DLG1: variants seen among roughly 807,000 people sequenced by gnomAD.
DLG1 encodes the protein discs large MAGUK scaffold protein 1.
In DLG1, 42 loss-of-function variants were observed where a neutral mutation model predicts 123.4. The ratio of observed to expected loss-of-function variants is 0.34; its 90% CI spans 0.27 to 0.44. DLG1 has a LOEUF of 0.44. DLG1 is among the 20% of genes least tolerant of loss of function. The probability of loss-of-function intolerance (pLI) is 1.00; values close to 1 mark genes in which losing one functional copy is unlikely to be tolerated. For synonymous variants in DLG1, 317 were observed against 356.2 expected (o/e 0.89, Z 1.24); for missense variants, 942 against 1,082.6 (o/e 0.87, Z 1.82).
Position 197,065,819 on chromosome 3 carries a change from T to C in DLG1, c.2099-10A>G. 1 of 1,442,602 alleles carries C rather than the reference T, an allele frequency of 6.9e-7. No homozygotes were observed. The highest frequency in any genetic ancestry group is 1.2e-5 in the South Asian group (1 of 83,654). 89.4% of individuals were successfully genotyped at this position (1,442,602 alleles called of 1,614,324 possible). Reference sequence around the variant, plus strand: ...GGTCGAGTATAATTAACTATAAAGATAAACTGCATGTTAAAAGGAATAAAC... The same window carrying C: ...GGTCGAGTATAATTAACTATAAAGACAAACTGCATGTTAAAAGGAATAAAC... On this transcript the variant is annotated splice_polypyrimidine_tract_variant and intron_variant, in intron 20 of 24. Coordinates refer to ENST00000667157, the MANE Select transcript of DLG1 (RefSeq NM_001366207.1).
intron 2 of DLG1, 166 bp downstream of exon 2, chr3:197,297,020 T>C (rs1777763580): frequency 2.7e-6 from 2 of 731,462 alleles, no homozygotes; most frequent in African/African-American, 3.5e-5. Context: ...AACATTTTCG[T>C]GTTTCCATCT....
intron 16 of DLG1, 171 bp downstream of exon 16, chr3:197,085,409 T>C: frequency 1.5e-6 from 1 of 651,214 alleles, no homozygotes; most frequent in Non-Finnish European, 2.6e-6. Flanking sequence ...TCGACTACTT[T>C]AGATTTCACA....
chr3:197,084,232 C>T (rs1752831553), intron 16 of DLG1, among the ~76,000 whole-genome samples: 1 of 152,084 alleles, frequency 6.6e-6, no homozygotes, highest in African/African-American at 2.4e-5. Context: ...AGCTAAATGG[C>T]ACACTGATTT....
chr3:197,145,049 T>TCA (rs1226165450), intron 6 of DLG1, among the ~76,000 whole-genome samples: 14 of 142,524 alleles, frequency 9.8e-5, no homozygotes, highest in African/African-American at 2.6e-4. Context: ...GCTCTCTCTC[T>TCA]CTCTCTCACA....
At chr3:197,213,367 T>C (rs991051569) in intron 4 of DLG1, among the ~76,000 whole-genome samples, 11 of 152,264 alleles carry the variant, frequency 7.2e-5, no homozygotes, top group Admixed American at 5.2e-4. Context: ...TAAAATAATT[T>C]ATCGTGAGAA....
intron 5 of DLG1, among the ~76,000 whole-genome samples, chr3:197,190,701 C>T (rs4491876): frequency 0.24 from 36,747 of 152,048 alleles, 5,630 homozygotes; most frequent in East Asian, 0.72. Flanking sequence ...GAATCATATA[C>T]GGAGATGGCT....
At chr3:197,121,779 C>T (rs1416925169) in intron 11 of DLG1, among the ~76,000 whole-genome samples, 1 of 145,584 alleles carries the variant, frequency 6.9e-6, no homozygotes, top group Non-Finnish European at 1.5e-5. Context: ...TGCAAGGCTG[C>T]CTCTGTGAGA....
At chr3:197,176,355 T>TGA (rs1807085634) in intron 5 of DLG1, among the ~76,000 whole-genome samples, 1 of 151,992 alleles carries the variant, frequency 6.6e-6, no homozygotes, top group African/African-American at 2.4e-5. Flanking sequence ...GAGTTGACTG[T>TGA]GGGGGCTGGA....
At chr3:197,171,198 A>G (rs1027893840) in intron 5 of DLG1, among the ~76,000 whole-genome samples, 2 of 152,220 alleles carry the variant, frequency 1.3e-5, no homozygotes, top group South Asian at 4.1e-4. Context: ...TTGAATGTTT[A>G]TAGAAGGATA....
rs376958910 is a variant in DLG1 at position 197,131,632 on chromosome 3, C to T, written c.1021-961G>A. Among the ~76,000 whole-genome samples, 924 of 116,354 alleles carry T rather than the reference C, an allele frequency of 7.9e-3. 8 individuals are homozygous for T. Among genetic ancestry groups the T allele is most frequent in the Non-Finnish European group, 0.012 (716 of 61,280 alleles). 76.3% of individuals were successfully genotyped at this position (116,354 alleles called of 152,430 possible). ...TTTTTGAGACGGAGTCTCGCTCTGT[C>T]GCCCAGGCTGGAGTGCAGTGGCGGG... On this transcript the variant is annotated intron_variant, in intron 10 of 24. Coordinates refer to ENST00000667157, the MANE Select transcript of DLG1 (RefSeq NM_001366207.1).
At chr3:197,089,242 T>C (rs1219408597) in intron 15 of DLG1, among the ~76,000 whole-genome samples, 2 of 152,106 alleles carry the variant, frequency 1.3e-5, no homozygotes, top group African/African-American at 4.8e-5. Context: ...TTTTAAAAAA[T>C]AGAAGCTGGG....
intron 4 of DLG1, among the ~76,000 whole-genome samples, chr3:197,276,798 T>G (rs527873047): frequency 6.6e-6 from 1 of 152,284 alleles, no homozygotes; most frequent in African/African-American, 2.4e-5. Flanking sequence ...GTCAGCAGCA[T>G]TTTTAACCTT....
intron 4 of DLG1, among the ~76,000 whole-genome samples, chr3:197,260,750 CAAAAAAAAAAAAAAAAA>C (rs570596943): frequency 0.041 from 761 of 18,436 alleles, 23 homozygotes; most frequent in Admixed American, 0.06. Context: ...TGACAACCAC[CAAAAAAAAAAAAAAAAA>C]AAAAAAAAAA....
chr3:197,246,390 T>C (rs1250569515), intron 4 of DLG1, among the ~76,000 whole-genome samples: 2 of 152,204 alleles, frequency 1.3e-5, no homozygotes, highest in East Asian at 1.9e-4. Context: ...CAGTGGTTAG[T>C]GTTAAGTCAT....
At position 197,043,846 on chromosome 3, in the gene DLG1, C is replaced by T. The variant is rs1434218826; in HGVS notation, c.*777G>A. The T allele has an allele frequency of 6.6e-6, 1 of 152,048 alleles. No individual in the cohort carries two copies. Among genetic ancestry groups the T allele is most frequent in the Non-Finnish European group, 1.5e-5 (1 of 67,994 alleles). The allele number at this position is 152,048 out of a possible 1,614,324, so 9.4% of individuals were successfully genotyped here. A position where few individuals can be genotyped will look rare whatever the true frequency, so the allele number is the denominator to read the frequency against. ...TGTATTTATATCTAGGAAATTTTCT[C>T]AATCTTCTGTGTAAAAGGCGAACTT... On this transcript the variant is annotated 3_prime_UTR_variant, in exon 25 of 25. Coordinates refer to ENST00000667157, the MANE Select transcript of DLG1 (RefSeq NM_001366207.1).
At chr3:197,163,088 C>A (rs1267122470) in intron 5 of DLG1, among the ~76,000 whole-genome samples, 1 of 152,182 alleles carries the variant, frequency 6.6e-6, no homozygotes, top group Non-Finnish European at 1.5e-5. Flanking sequence ...CCAATTAGCA[C>A]ACGAAAAGAT....
At chr3:197,265,833 C>T (rs1287565856) in intron 4 of DLG1, among the ~76,000 whole-genome samples, 5 of 152,126 alleles carry the variant, frequency 3.3e-5, no homozygotes, top group Non-Finnish European at 5.9e-5. Context: ...GAGTGGATCA[C>T]GAGGTCAGGA....
chr3:197,250,309 C>T (rs1753741249), intron 4 of DLG1, among the ~76,000 whole-genome samples: 1 of 152,188 alleles, frequency 6.6e-6, no homozygotes, highest in South Asian at 2.1e-4. Flanking sequence ...GCGGCTCATG[C>T]CTGTAATCCC....
At chr3:197,186,941 C>CA (rs888393095) in intron 5 of DLG1, among the ~76,000 whole-genome samples, 44 of 151,586 alleles carry the variant, frequency 2.9e-4, no homozygotes, top group Non-Finnish European at 4.4e-4. Flanking sequence ...CTCTAAAGTA[C>CA]AAAAAAAACC....
Sources: gnomAD v4.1 joint callset for allele counts (sites outside exome capture counted in the v4.1 genomes callset) on GRCh38, gnomAD v4.1.1 for gene constraint, MANE v1.5 for transcripts, NCBI Gene and HGNC (gene_info 2026-07-23, HGNC 2026-07-21) for gene names.